Variants in GBE1 observed in about 807,000 individuals in gnomAD.
GBE1 encodes the protein 1,4-alpha-glucan-branching enzyme.
In GBE1, 70 loss-of-function variants were observed where a neutral mutation model predicts 88.8. The observed-to-expected ratio is 0.79, with a 90% CI of 0.65 to 0.96. The LOEUF is 0.96. Ranked by LOEUF, GBE1 falls within the 40% of genes least tolerant of loss-of-function variation. The pLI, the probability that GBE1 is intolerant of heterozygous loss-of-function variation, is 0.00. For synonymous variants in GBE1, 284 were observed against 300.1 expected, an observed-to-expected ratio of 0.95 and a Z score of 0.56; for missense variants, 872 against 871.0, an observed-to-expected ratio of 1.00 and a Z score of -0.01.
At chr3:81,603,197 AG>A (rs1341133780) in intron 7 of GBE1, among the ~76,000 whole-genome samples, 2 of 152,174 alleles carry the variant, frequency 1.3e-5, no homozygotes, top group African/African-American at 4.8e-5. Flanking sequence ...AAGCAATCCT[AG>A]GAATTGCTTA....
chr3:81,703,759 C>T (rs1705734392), intron 2 of GBE1, among the ~76,000 whole-genome samples: 2 of 151,972 alleles, frequency 1.3e-5, no homozygotes, highest in African/African-American at 4.8e-5. Context: ...TGGATGGTTG[C>T]ATCTGTACTG....
chr3:81,747,188 T>C (rs1463926624), intron 1 of GBE1, among the ~76,000 whole-genome samples: 2 of 152,146 alleles, frequency 1.3e-5, no homozygotes, highest in African/African-American at 4.8e-5. Context: ...AAAAGAGCTC[T>C]TAGATATGGC....
intron 14 of GBE1, among the ~76,000 whole-genome samples, chr3:81,521,454 A>G (rs1031258466): frequency 2.6e-5 from 4 of 151,642 alleles, no homozygotes; most frequent in Non-Finnish European, 5.9e-5. Context: ...CAGAAAATAT[A>G]CCATTGAAAT....
At chr3:81,633,320 T>C (rs969692841) in intron 7 of GBE1, among the ~76,000 whole-genome samples, 30 of 152,168 alleles carry the variant, frequency 2.0e-4, no homozygotes, top group African/African-American at 7.2e-4. Flanking sequence ...GTAGATAAAC[T>C]ATAATCTTAT....
intron 1 of GBE1, among the ~76,000 whole-genome samples, chr3:81,718,722 C>T (rs568240601): frequency 1.6e-4 from 24 of 152,164 alleles, no homozygotes; most frequent in African/African-American, 5.3e-4. Context: ...CCGCAACCTC[C>T]GCCTCCTGGG....
intron 1 of GBE1, among the ~76,000 whole-genome samples, chr3:81,707,496 A>C (rs2107171408): frequency 6.6e-6 from 1 of 152,196 alleles, no homozygotes; most frequent in Non-Finnish European, 1.5e-5. Context: ...TTATTGTAGG[A>C]GTGTGTCTAA....
intron 10 of GBE1, among the ~76,000 whole-genome samples, chr3:81,584,918 T>C (rs967585543): frequency 6.6e-6 from 1 of 151,946 alleles, no homozygotes; most frequent in East Asian, 1.9e-4. Context: ...AAAAGTAAGA[T>C]TTGTCACTTG....
intron 1 of GBE1, among the ~76,000 whole-genome samples, chr3:81,747,127 C>A (rs1319572724): frequency 6.6e-6 from 1 of 150,900 alleles, no homozygotes; most frequent in East Asian, 1.9e-4. Flanking sequence ...TGTAAAACAA[C>A]AAAACTTTTA....
chr3:81,720,795 C>T (rs372928910), intron 1 of GBE1, among the ~76,000 whole-genome samples: 17 of 151,132 alleles, frequency 1.1e-4, no homozygotes, highest in African/African-American at 3.9e-4. Context: ...AGACTTGGAA[C>T]CAACCCAAAT....
At chr3:81,526,399 G>A (rs1215483361) in intron 14 of GBE1, among the ~76,000 whole-genome samples, 1 of 151,990 alleles carries the variant, frequency 6.6e-6, no homozygotes, top group Non-Finnish European at 1.5e-5. Flanking sequence ...AGAAATAAAG[G>A]GTAATCAATT....
At chr3:81,514,969 G>C (rs953382249) in intron 14 of GBE1, among the ~76,000 whole-genome samples, 2 of 151,272 alleles carry the variant, frequency 1.3e-5, no homozygotes, top group Non-Finnish European at 3.0e-5. Context: ...CTGGTATCAG[G>C]TATAAAGATG....
intron 14 of GBE1, among the ~76,000 whole-genome samples, chr3:81,520,030 A>G (rs1702851583): frequency 6.6e-6 from 1 of 151,548 alleles, no homozygotes; most frequent in Non-Finnish European, 1.5e-5. Flanking sequence ...ACCAGGGTGT[A>G]ACAGAAAGAA....
At chr3:81,538,952 T>G (rs1703112073) in intron 12 of GBE1, among the ~76,000 whole-genome samples, 1 of 152,070 alleles carries the variant, frequency 6.6e-6, no homozygotes. Context: ...CCATGGAGAC[T>G]GTCACATCAT....
intron 12 of GBE1, among the ~76,000 whole-genome samples, chr3:81,559,080 C>G (rs986028759): frequency 2.0e-5 from 3 of 151,962 alleles, no homozygotes; most frequent in Non-Finnish European, 4.4e-5. Context: ...ATTTTCAAAA[C>G]AGTAAAACAT....
At chr3:81,632,309 C>T (rs1704525398) in intron 7 of GBE1, among the ~76,000 whole-genome samples, 1 of 152,058 alleles carries the variant, frequency 6.6e-6, no homozygotes. Flanking sequence ...ATCTATCTAT[C>T]TGACAAAGAG....
At chr3:81,534,178 T>C (rs554200892) in intron 14 of GBE1, among the ~76,000 whole-genome samples, 1 of 152,034 alleles carries the variant, frequency 6.6e-6, no homozygotes, top group East Asian at 1.9e-4. Context: ...CTTGAAAAAT[T>C]GTGCTGATTT....
At chr3:81,603,450 G>C (rs529386744) in intron 7 of GBE1, among the ~76,000 whole-genome samples, 3 of 152,120 alleles carry the variant, frequency 2.0e-5, no homozygotes, top group Admixed American at 1.3e-4. Flanking sequence ...TTTTTGAAAA[G>C]AGGGTACCAG....
chr3:81,598,805 T>A (rs1217009114), intron 7 of GBE1, among the ~76,000 whole-genome samples: 1 of 151,752 alleles, frequency 6.6e-6, no homozygotes, highest in Non-Finnish European at 1.5e-5. Flanking sequence ...TTCATTCAAC[T>A]ACTAAAAATT....
intron 7 of GBE1, among the ~76,000 whole-genome samples, chr3:81,617,079 C>T (rs1042087895): frequency 7.6e-6 from 1 of 132,384 alleles, no homozygotes; most frequent in Non-Finnish European, 1.6e-5. Context: ...CAACCTTGCT[C>T]ATCTCATTTA....
Sources: allele counts gnomAD v4.1 joint callset (sites outside exome capture counted in the v4.1 genomes callset), GRCh38; gene constraint gnomAD v4.1.1; transcripts MANE v1.5; gene names NCBI Gene and HGNC (gene_info 2026-07-23, HGNC 2026-07-21).